Variants in EBF1 observed in about 807,000 individuals in gnomAD.
EBF1 encodes the protein transcription factor COE1.
EBF1 carries 10 observed loss-of-function variants against 68.4 expected under a neutral mutation model. That is an observed-to-expected ratio of 0.15 (90% CI 0.09 to 0.25). The LOEUF is 0.25. Ranked by LOEUF, EBF1 falls within the 10% of genes least tolerant of loss-of-function variation. The pLI is 1.00. For synonymous variants in EBF1, 298 were observed against 299.8 expected (o/e 0.99, Z 0.06); for missense variants, 509 against 794.4 (o/e 0.64, Z 4.32).
rs766532365 is a variant in EBF1, at chr5:158,796,421, G to A, written c.833C>T (p.Ala278Val). 2.0e-5 allele frequency: 33 copies of A among 1,613,378 alleles called. No homozygotes were observed. The highest frequency in any genetic ancestry group is 2.5e-5 in the Non-Finnish European group (29 of 1,179,638). Reference protein sequence around the residue: ...SPSEGWTTGGATVIIIGDNFF... With the variant: ...SPSEGWTTGGVTVIIIGDNFF... ...ATTGTCCCCTATGATGATCACAGTC[G>A]CACCTCCCGTCGTCCATCCTTCACT... Residue 278 changes from alanine to valine, a missense_variant, in exon 9 of 16, where the codon GCG becomes GTG. By Grantham distance (64) the Ala-to-Val change is moderately conservative. Around this residue, in one of 3 missense-constraint regions of EBF1, gnomAD observed 230 missense variants for 467.7 expected, o/e 0.49. Coordinates refer to ENST00000313708, the MANE Select transcript of EBF1 (RefSeq NM_024007.5).
At position 159,033,539 on chromosome 5, in the gene EBF1, G is replaced by A. The variant is rs550494584; in HGVS notation, c.554+39857C>T. On this transcript the variant is annotated intron_variant, in intron 6 of 15. Coordinates refer to ENST00000313708, the MANE Select transcript of EBF1 (RefSeq NM_024007.5). Reference sequence around the variant, plus strand: ...ACACAAAAGTTAAAACGTCTTTTTCGGAGGGAGTTAAGGAAGGGTTGTATC... The same window carrying A: ...ACACAAAAGTTAAAACGTCTTTTTCAGAGGGAGTTAAGGAAGGGTTGTATC... Among the ~76,000 whole-genome samples, 30 of 152,254 alleles carry A rather than the reference G, an allele frequency of 2.0e-4. 1 individual carries two copies. The South Asian group carries it at 5.0e-3, about 25-fold the overall frequency.
chr5:158,958,828 G>A (rs1397521591), intron 6 of EBF1, among the ~76,000 whole-genome samples: 1 of 152,020 alleles, frequency 6.6e-6, no homozygotes, highest in Non-Finnish European at 1.5e-5. Context: ...CACTTCCCAC[G>A]TTCAATGCCA....
intron 6 of EBF1, among the ~76,000 whole-genome samples, chr5:158,895,665 G>A: frequency 6.6e-6 from 1 of 152,150 alleles, no homozygotes; most frequent in South Asian, 2.1e-4. Flanking sequence ...AGAGGAGAAT[G>A]GTAAGCAATT....
chr5:158,892,506 G>T (rs1408347661), intron 6 of EBF1, among the ~76,000 whole-genome samples: 3 of 152,014 alleles, frequency 2.0e-5, no homozygotes, highest in African/African-American at 7.2e-5. Context: ...AATCCAAAAT[G>T]CTCCAAAATA....
chr5:159,090,540 A>G (rs994321596), intron 4 of EBF1, among the ~76,000 whole-genome samples: 3 of 152,188 alleles, frequency 2.0e-5, no homozygotes, highest in Admixed American at 1.3e-4. Context: ...CGAAGGAATG[A>G]TATCAGATTC....
chr5:158,754,225 A>AATGTATTGTGTAAATC (rs1769552266), intron 10 of EBF1, among the ~76,000 whole-genome samples: 1 of 152,112 alleles, frequency 6.6e-6, no homozygotes, highest in East Asian at 1.9e-4. Flanking sequence ...CTTCACAATT[A>AATGTATTGTGTAAATC]ACAAGAGATG....
chr5:159,081,576 T>G (rs1423468028), intron 5 of EBF1, among the ~76,000 whole-genome samples: 4 of 152,078 alleles, frequency 2.6e-5, no homozygotes, highest in Non-Finnish European at 5.9e-5. Flanking sequence ...AAGCCATGCT[T>G]AAGTGGGAAT....
chr5:158,968,623 A>C (rs1352667026), intron 6 of EBF1, among the ~76,000 whole-genome samples: 7 of 152,206 alleles, frequency 4.6e-5, no homozygotes, highest in Admixed American at 4.6e-4. Flanking sequence ...AAGACAAAAC[A>C]CATACTTAAA....
intron 10 of EBF1, among the ~76,000 whole-genome samples, chr5:158,739,701 C>T (rs1193652347): frequency 3.3e-5 from 5 of 152,152 alleles, no homozygotes; most frequent in Admixed American, 6.5e-5. Flanking sequence ...ATTCTCTTCC[C>T]TACTGGCATA....
intron 6 of EBF1, among the ~76,000 whole-genome samples, chr5:158,916,055 A>AG (rs1195832002): frequency 8.5e-5 from 13 of 152,092 alleles, no homozygotes; most frequent in East Asian, 3.9e-4. Flanking sequence ...TGACCGACAA[A>AG]GGGGGGTCCA....
chr5:158,817,187 T>G (rs1410702398), intron 8 of EBF1, among the ~76,000 whole-genome samples: 1 of 152,126 alleles, frequency 6.6e-6, no homozygotes, highest in East Asian at 1.9e-4. Context: ...TCTCCTTTTG[T>G]TCCTGGAATT....
intron 6 of EBF1, among the ~76,000 whole-genome samples, chr5:158,997,872 G>T (rs1761736284): frequency 6.6e-6 from 1 of 152,042 alleles, no homozygotes; most frequent in Non-Finnish European, 1.5e-5. Flanking sequence ...CATCATTTTT[G>T]CATTCAACAG....
intron 6 of EBF1, chr5:158,986,980 C>CG (rs1429876311): frequency 1.3e-5 from 2 of 152,224 alleles, no homozygotes. Flanking sequence ...TAGGAGGTGT[C>CG]AGAGACAAAT....
At chr5:158,971,032 A>G (rs1375899383) in intron 6 of EBF1, among the ~76,000 whole-genome samples, 1 of 152,184 alleles carries the variant, frequency 6.6e-6, no homozygotes, top group Non-Finnish European at 1.5e-5. Context: ...TTCTGGTAGC[A>G]TGGAGGTGAA....
intron 10 of EBF1, among the ~76,000 whole-genome samples, chr5:158,773,610 A>G (rs879466767): frequency 1.8e-4 from 27 of 152,114 alleles, no homozygotes; most frequent in Non-Finnish European, 5.9e-5. Flanking sequence ...TTTCAGTCAT[A>G]TATTCCCCGA....
At chr5:158,843,515 C>T (rs1418084846) in intron 6 of EBF1, among the ~76,000 whole-genome samples, 1 of 152,246 alleles carries the variant, frequency 6.6e-6, no homozygotes, top group Admixed American at 6.5e-5. Context: ...ACTTGGCATG[C>T]TGGCAGAGTC....
chr5:158,725,796 C>T (rs1021615396), intron 11 of EBF1, among the ~76,000 whole-genome samples: 1 of 152,056 alleles, frequency 6.6e-6, no homozygotes, highest in African/African-American at 2.4e-5. Flanking sequence ...CAAGGTTTGG[C>T]GGAGGTTTGT....
chr5:158,794,216 A>T (rs1779209550), intron 9 of EBF1, among the ~76,000 whole-genome samples: 1 of 152,118 alleles, frequency 6.6e-6, no homozygotes, highest in African/African-American at 2.4e-5. Context: ...GACCCCTGGG[A>T]CAGAGTGAAG....
intron 6 of EBF1, among the ~76,000 whole-genome samples, chr5:158,989,524 G>A (rs1360479803): frequency 1.3e-5 from 2 of 152,168 alleles, no homozygotes; most frequent in Admixed American, 6.5e-5. Flanking sequence ...ACCAATTGCA[G>A]GCATCCCTGT....
Sources: gnomAD v4.1 joint callset for allele counts (sites outside exome capture counted in the v4.1 genomes callset) on GRCh38, gnomAD v4.1.1 for gene constraint, gnomAD v4.1.1 regional missense constraint, MANE v1.5 for transcripts, NCBI Gene and HGNC (gene_info 2026-07-23, HGNC 2026-07-21) for gene names.